Variants in SYS1 observed in about 807,000 individuals in gnomAD.
The protein encoded by SYS1 is SYS1 golgi trafficking protein.
Under a neutral mutation model 17.8 loss-of-function variants are expected in SYS1, and 8 were observed. That is an observed-to-expected ratio of 0.45 (90% CI 0.26 to 0.81). The LOEUF (loss-of-function observed/expected upper bound fraction) is 0.81. Among genes scored for constraint, SYS1 ranks in the 40% least tolerant of loss-of-function variants. The probability of loss-of-function intolerance (pLI) is 0.16; values close to 1 mark genes in which losing one functional copy is unlikely to be tolerated. For synonymous variants in SYS1, 95 were observed against 90.9 expected, an observed-to-expected ratio of 1.05 and a Z score of -0.26; for missense variants, 161 against 203.9, an observed-to-expected ratio of 0.79 and a Z score of 1.28.
downstream of SYS1, chr20:45,373,994 C>G (rs772961364): frequency 1.9e-6 from 3 of 1,613,950 alleles, no homozygotes; most frequent in African/African-American, 4.0e-5. Flanking sequence ...CTCTGGCTCT[C>G]GTCCAGGTCA....
At chr20:45,363,445 C>T (rs1988288965) in intron 1 of SYS1, 84 bp from the exon 2 acceptor site, 1 of 1,493,162 alleles carries the variant, frequency 6.7e-7, no homozygotes. Flanking sequence ...GGGCTCACCC[C>T]TTGGTTCCAG....
chr20:45,363,719 G>A (rs1988305219), intron 2 of SYS1, 26 bp downstream of exon 2: 2 of 1,545,856 alleles, frequency 1.3e-6, no homozygotes, highest in African/African-American at 1.4e-5. Flanking sequence ...TGGGGCGGGT[G>A]GGGTCTCGGC....
At chr20:45,365,498 G>A (rs1352873833) in intron 2 of SYS1, 121 bp from the exon 3 acceptor site, 1 of 913,204 alleles carries the variant, frequency 1.1e-6, no homozygotes, top group Non-Finnish European at 1.8e-6. Context: ...CCGTACAGAT[G>A]TAGGGAGGTA....
At chr20:45,374,020 A>G (rs1034167121), downstream of SYS1, 1 of 1,613,870 alleles carries the variant, frequency 6.2e-7, no homozygotes, top group Non-Finnish European at 8.5e-7. Context: ...ACCTGCCAGC[A>G]GAAACCTCGG....
At chr20:45,374,115 T>C, downstream of SYS1, 1 of 1,057,028 alleles carries the variant, frequency 9.5e-7, no homozygotes, top group East Asian at 2.4e-5. Context: ...GTCTGGTAGG[T>C]TGGAAATGCC....
At chr20:45,374,030 G>A (rs1374401626), downstream of SYS1, 5 of 1,612,852 alleles carry the variant, frequency 3.1e-6, no homozygotes, top group Admixed American at 1.7e-5. Context: ...AGAAACCTCG[G>A]TGTTAGGCGC....
intron 2 of SYS1, 111 bp downstream of exon 2, chr20:45,363,804 C>G: frequency 8.3e-7 from 1 of 1,209,000 alleles, no homozygotes; most frequent in Non-Finnish European, 1.1e-6. Flanking sequence ...CTTTGTAGCC[C>G]TGGGAAAGGG....
chr20:45,372,549 C>G (rs1600753059), downstream of SYS1: 1 of 152,220 alleles, frequency 6.6e-6, no homozygotes, highest in Non-Finnish European at 1.5e-5. Context: ...CAGAAGTTCA[C>G]GCAAAGGTTG....
downstream of SYS1, chr20:45,374,051 C>A: frequency 6.3e-7 from 1 of 1,599,306 alleles, no homozygotes; most frequent in Non-Finnish European, 8.6e-7. Context: ...TAAGACTGTC[C>A]CCAGGGGGCG....
intron 2 of SYS1, 77 bp downstream of exon 2, chr20:45,363,770 A>G: frequency 6.9e-7 from 1 of 1,441,914 alleles, no homozygotes; most frequent in Admixed American, 2.3e-5. Flanking sequence ...ACTGTGCTGT[A>G]GACGTGGCTG....
At chr20:45,373,720 G>A (rs548702847), downstream of SYS1, 1 of 608,496 alleles carries the variant, frequency 1.6e-6, no homozygotes, top group African/African-American at 1.8e-5. Context: ...GCGGAGGTGG[G>A]GGAGGGGTGC....
At chr20:45,362,833 G>C (rs1277179137), upstream of SYS1, among the ~76,000 whole-genome samples, 1 of 152,208 alleles carries the variant, frequency 6.6e-6, no homozygotes, top group Non-Finnish European at 1.5e-5. Context: ...CTAACTAGGA[G>C]AAAACATTGA....
At chr20:45,373,774 G>C (rs2294288), downstream of SYS1, 369 of 809,796 alleles carry the variant, frequency 4.6e-4, 6 homozygotes, top group East Asian at 9.7e-3. Context: ...TAGGGGCCTC[G>C]GGGTGGGGGT....
rs1317843361 is a variant in SYS1 at position 45,367,166 on chromosome 20, G to T, written c.*51G>T. On this transcript the variant is annotated 3_prime_UTR_variant, in exon 4 of 4. Coordinates refer to ENST00000243918, the MANE Select transcript of SYS1 (RefSeq NM_033542.4). ...GACACTTGGGCCCCTTAACACCTTGGGCTGCTCAGACCCTCCAGATGAGGT... is the reference window on the plus strand; with the variant it reads ...GACACTTGGGCCCCTTAACACCTTGTGCTGCTCAGACCCTCCAGATGAGGT... The T allele has an allele frequency of 1.2e-6, 2 of 1,603,876 alleles. No homozygotes were observed. Among genetic ancestry groups the T allele is most frequent in the African/African-American group, 2.7e-5 (2 of 74,782 alleles).
exon 4 of SYS1, chr20:45,375,488 C>T (rs140964438): frequency 1.6e-5 from 26 of 1,611,600 alleles, no homozygotes; most frequent in African/African-American, 1.6e-4. Flanking sequence ...AGTTCCTTCT[C>T]GGAGCACCCG....
chr20:45,361,972 G>C, upstream of SYS1: 1 of 985,240 alleles, frequency 1.0e-6, no homozygotes, highest in Non-Finnish European at 1.2e-6. Flanking sequence ...CCACTTCAGA[G>C]AGGGGGAACC....
intron 3 of SYS1, among the ~76,000 whole-genome samples, chr20:45,366,507 G>A (rs1465977400): frequency 6.6e-6 from 1 of 152,098 alleles, no homozygotes; most frequent in East Asian, 1.9e-4. Flanking sequence ...CAGATTTCTG[G>A]CTTCTCTTGA....
chr20:45,362,142 A>C, upstream of SYS1: 1 of 581,512 alleles, frequency 1.7e-6, no homozygotes, highest in African/African-American at 2.0e-5. Flanking sequence ...GGCAGCAGAG[A>C]GGGTCAGGAT....
In SYS1 at chr20:45,368,862, C is replaced by T. The variant is rs7098; in HGVS notation, c.*1747C>T. 0.63 allele frequency: 615,646 copies of T among 984,968 alleles called. 194,199 individuals are homozygous for T. The highest frequency in any genetic ancestry group is 0.65 in the Middle Eastern group (1,252 of 1,912). The allele number at this position is 984,968 out of a possible 1,614,324, so 61.0% of individuals were successfully genotyped here. A position where few individuals can be genotyped will look rare whatever the true frequency, so the allele number is the denominator to read the frequency against. On this transcript the variant is annotated 3_prime_UTR_variant, in exon 4 of 4. Coordinates refer to ENST00000243918, the MANE Select transcript of SYS1 (RefSeq NM_033542.4). ...GTGGCTGCTGTCACCCTTGACCAGC[C>T]GTGGTGGTGGTTACTCCATCTGTGG...
Sources: allele counts gnomAD v4.1 joint callset (sites outside exome capture counted in the v4.1 genomes callset), GRCh38; gene constraint gnomAD v4.1.1; transcripts MANE v1.5; gene names NCBI Gene and HGNC (gene_info 2026-07-23, HGNC 2026-07-21).